The following TMEM61 variants were observed in gnomAD, a reference collection of about 807,000 sequenced individuals.
The protein encoded by TMEM61 is transmembrane protein 61.
TMEM61 carries 13 observed loss-of-function variants against 12.0 expected under a neutral mutation model. That is an observed-to-expected ratio of 1.08 (90% CI 0.70 to 1.72). TMEM61 has a LOEUF of 1.72. Ranked by LOEUF, TMEM61 falls within the 40% of genes most tolerant of loss-of-function variation. The pLI is 0.00. For synonymous variants in TMEM61, 109 were observed against 121.4 expected, an observed-to-expected ratio of 0.90 and a Z score of 0.67; for missense variants, 249 against 276.9, an observed-to-expected ratio of 0.90 and a Z score of 0.71.
intron 2 of TMEM61, among the ~76,000 whole-genome samples, chr1:54,987,656 C>T (rs1242972070): frequency 1.3e-5 from 2 of 152,168 alleles, no homozygotes; most frequent in Non-Finnish European, 2.9e-5. Context: ...GTGTACATCA[C>T]CTCCTGTCTT....
chr1:54,992,071 G>A lies in TMEM61; in HGVS notation c.601G>A (p.Gly201Ser). The part of the protein sequence containing the change: ...TTPSATRSCS[G>S]LVQTARGGS The stretch of plus-strand genomic sequence containing the variant: ...ACCGAGTGCCACACGCTCCTGCTCA[G>A]GCCTGGTTCAGACTGCACGGGGAGG... The change falls in exon 3 of 3, where the codon GGC (glycine) becomes AGC (serine). Residue 201 changes from glycine (G) to serine (S), a missense_variant. Coordinates refer to ENST00000371268, the MANE Select transcript of TMEM61 (RefSeq NM_182532.3). 6.2e-7 allele frequency: 1 copy of A among 1,613,264 alleles called. No individual in the cohort carries two copies. Among genetic ancestry groups the A allele is most frequent in the Non-Finnish European group, 8.5e-7 (1 of 1,180,026 alleles).
intron 2 of TMEM61, among the ~76,000 whole-genome samples, chr1:54,987,571 G>A (rs749309157): frequency 1.3e-5 from 2 of 152,182 alleles, no homozygotes; most frequent in Non-Finnish European, 2.9e-5. Flanking sequence ...TGTTGAGAAT[G>A]CATGTATTAT....
chr1:54,984,404 G>T (rs1644244875), intron 1 of TMEM61, among the ~76,000 whole-genome samples: 1 of 152,172 alleles, frequency 6.6e-6, no homozygotes, highest in African/African-American at 2.4e-5. Context: ...GCCCGGGGCA[G>T]GTGAGAGGCT....
rs774441042 is a variant in TMEM61 at position 54,992,042 on chromosome 1, C to T, written c.572C>T (p.Thr191Met). The T allele has an allele frequency of 1.4e-5, 22 of 1,613,290 alleles. No homozygotes were observed. The highest frequency in any genetic ancestry group is 6.7e-5 in the African/African-American group (5 of 74,802). ...SLALDAVSAE[T>M]TPSATRSCSG... is the part of the protein sequence containing the mutation. ...GCTCTTGATGCCGTTTCTGCGGAGA[C>T]GACACCGAGTGCCACACGCTCCTGC... Residue 191 changes from threonine (T) to methionine (M), a missense_variant, in exon 3 of 3, where the codon ACG becomes ATG. By Grantham distance (81) the Thr-to-Met change is moderately conservative. Transcript: ENST00000371268.
intron 2 of TMEM61, among the ~76,000 whole-genome samples, chr1:54,987,830 C>T (rs1349646089): frequency 3.3e-5 from 5 of 152,156 alleles, no homozygotes; most frequent in African/African-American, 1.2e-4. Flanking sequence ...GCCAGACTGC[C>T]GTGAGCTGCT....
intron 2 of TMEM61, among the ~76,000 whole-genome samples, chr1:54,987,242 G>A (rs74072392): frequency 0.044 from 6,651 of 152,244 alleles, 460 homozygotes; most frequent in African/African-American, 0.15. Flanking sequence ...GGTACACAGT[G>A]GGTGCACAGC....
Position 54,981,330 on chromosome 1 carries a change from T to C in TMEM61, c.15+250T>C, listed in dbSNP as rs1198084962. On this transcript the variant is annotated intron_variant, in intron 1 of 2. Coordinates refer to ENST00000371268, the MANE Select transcript of TMEM61 (RefSeq NM_182532.3). ...CAGAAAGCGGCATCTAAAGTGCCCT[T>C]ATTGGGGCCTGGTGCGGTGGCTCAC... Among the ~76,000 whole-genome samples the C allele has an allele frequency of 8.5e-5, 13 of 152,112 alleles. No individual in the cohort carries two copies. In the South Asian group the frequency reaches 2.5e-3, roughly 29 times the overall value.
Position 54,991,968 on chromosome 1 carries a change from C to T in TMEM61, c.498C>T (p.Leu166=), listed in dbSNP as rs1356736231. 5 of 1,614,218 alleles carry T rather than the reference C, an allele frequency of 3.1e-6. No homozygotes were observed. Among genetic ancestry groups the T allele is most frequent in the South Asian group, 1.1e-5 (1 of 91,090 alleles). ...CAAGTGGATCGAGGGATGCCCTGCT[C>T]AGCACCCAGCCCGCCTGGCCTCCAC... is the stretch of plus-strand genomic sequence containing the variant. ...LEPSGSRDAL[L]STQPAWPPPS... is the part of the protein sequence containing the mutation. Residue 166 remains leucine (L), a synonymous_variant, in exon 3 of 3, where the codon CTC becomes CTT. Transcript: ENST00000371268.
chr1:54,981,014 A>G lies in TMEM61; in HGVS notation c.-52A>G. 1 of 1,530,798 alleles carries G rather than the reference A, an allele frequency of 6.5e-7. No individual in the cohort carries two copies. The highest frequency in any genetic ancestry group is 8.8e-7 in the Non-Finnish European group (1 of 1,135,812). 94.8% of individuals were successfully genotyped at this position (1,530,798 alleles called of 1,614,324 possible). On this transcript the variant is annotated 5_prime_UTR_variant, in exon 1 of 3. Transcript: ENST00000371268. Reference sequence around the variant, plus strand: ...TGGCGTCCTCCACCACCACACCTTCACCTGCGCCCGGCTCCCTGCGCGCCT... The same window carrying G: ...TGGCGTCCTCCACCACCACACCTTCGCCTGCGCCCGGCTCCCTGCGCGCCT...
chr1:54,984,259 C>T (rs1644243760), intron 1 of TMEM61, among the ~76,000 whole-genome samples: 1 of 152,224 alleles, frequency 6.6e-6, no homozygotes, highest in South Asian at 2.1e-4. Flanking sequence ...TTTGTGATCA[C>T]TGAAGCCTCT....
At chr1:54,986,524 G>C in intron 2 of TMEM61, 78 bp downstream of exon 2, 2 of 1,284,228 alleles carry the variant, frequency 1.6e-6, no homozygotes, top group Non-Finnish European at 2.2e-6. Flanking sequence ...GCCAGCATTT[G>C]TAATTCCAGC....
At position 54,986,329 on chromosome 1, in the gene TMEM61, T is replaced by C. The variant is rs1181043384; in HGVS notation, c.248T>C (p.Ile83Thr). 15 of 1,613,926 alleles carry C rather than the reference T, an allele frequency of 9.3e-6. No homozygotes were observed. Among genetic ancestry groups the C allele is most frequent in the African/African-American group, 1.3e-5 (1 of 74,940 alleles). ...GGTGCAGGTGGCCTGCTGCTGCTCA[T>C]TGGCCTGCTGTGGTCCGTCAAGGCC... The part of the protein sequence containing the change: ...CCGAGGLLLL[I>T]GLLWSVKASI... The change falls in exon 2 of 3, where the codon ATT becomes ACT. Residue 83 changes from isoleucine to threonine, a missense_variant. Physicochemically the swap from Ile to Thr is moderately conservative, Grantham distance 89 (BLOSUM62 -1). Coordinates refer to ENST00000371268, the MANE Select transcript of TMEM61 (RefSeq NM_182532.3).
Position 54,981,005 on chromosome 1 carries a change from C to G in TMEM61, c.-61C>G. Reference sequence around the variant, plus strand: ...GCTCAGCCCTGGCGTCCTCCACCACCACACCTTCACCTGCGCCCGGCTCCC... The same window carrying G: ...GCTCAGCCCTGGCGTCCTCCACCACGACACCTTCACCTGCGCCCGGCTCCC... On this transcript the variant is annotated 5_prime_UTR_variant, in exon 1 of 3. Transcript: ENST00000371268. 6.6e-7 allele frequency: 1 copy of G among 1,519,538 alleles called. No individual in the cohort carries two copies. The highest frequency in any genetic ancestry group is 8.9e-7 in the Non-Finnish European group (1 of 1,129,178). The allele number at this position is 1,519,538 out of a possible 1,614,324, so 94.1% of individuals were successfully genotyped here.
At chr1:54,985,855 G>A (rs1277733826) in intron 1 of TMEM61, among the ~76,000 whole-genome samples, 2 of 152,158 alleles carry the variant, frequency 1.3e-5, no homozygotes, top group Non-Finnish European at 2.9e-5. Flanking sequence ...AGTGAAAGTG[G>A]TCATACTTAG....
Position 54,992,234 on chromosome 1 carries a change from G to T in TMEM61, c.*131G>T, listed in dbSNP as rs72677361. The T allele has an allele frequency of 1.9e-3, 2,141 of 1,146,152 alleles. 18 individuals are homozygous for T. Among genetic ancestry groups the T allele is most frequent in the East Asian group, 0.012 (511 of 41,610 alleles). The allele number at this position is 1,146,152 out of a possible 1,614,324, so 71.0% of individuals were successfully genotyped here. On this transcript the variant is annotated 3_prime_UTR_variant, in exon 3 of 3. Coordinates refer to ENST00000371268, the MANE Select transcript of TMEM61 (RefSeq NM_182532.3). ...AAGGCTGTTCTATTTATCTATTGCT[G>T]TATAACAAACCACCCCAGAATTTAG...
In TMEM61 at chr1:54,986,375, A is replaced by C. The variant is rs1644260200; in HGVS notation, c.294A>C (p.Arg98=). The change falls in exon 2 of 3, where the codon CGA becomes CGC. Residue 98 remains arginine, a synonymous_variant. Coordinates refer to ENST00000371268, the MANE Select transcript of TMEM61 (RefSeq NM_182532.3). ...SVKASIPGPP[R]WDPYHLSRDL... ...AGGCCAGCATCCCAGGGCCACCTCG[A>C]TGGGACCCCTATCACCTCTCCAGAG... The C allele has an allele frequency of 6.2e-7, 1 of 1,612,850 alleles. No individual in the cohort carries two copies. Among genetic ancestry groups the C allele is most frequent in the Non-Finnish European group, 8.5e-7 (1 of 1,179,186 alleles).
Position 54,986,451 on chromosome 1 carries a change from G to A in TMEM61, c.365+5G>A. On this transcript the variant is annotated splice_donor_5th_base_variant and intron_variant, in intron 2 of 2. Coordinates refer to ENST00000371268, the MANE Select transcript of TMEM61 (RefSeq NM_182532.3). ...CTCAGAGAAGGAGAGCTGCAGGTCA[G>A]CAGGGCGGGGTGTGGCAGCGGGTGG... 6.5e-7 allele frequency: 1 copy of A among 1,545,458 alleles called. No individual in the cohort carries two copies. Among genetic ancestry groups the A allele is most frequent in the Non-Finnish European group, 8.8e-7 (1 of 1,139,626 alleles).
rs1023015580 is a variant in TMEM61, at chr1:54,982,681, C to T, written c.15+1601C>T. ...TGCATTCTAAAGAGTGAGAGCTGCCCGTGCCAAAGACAAGTACATCTATTT... is the reference window on the plus strand; with the variant it reads ...TGCATTCTAAAGAGTGAGAGCTGCCTGTGCCAAAGACAAGTACATCTATTT... On this transcript the variant is annotated intron_variant, in intron 1 of 2. Coordinates refer to ENST00000371268, the MANE Select transcript of TMEM61 (RefSeq NM_182532.3). Among the ~76,000 whole-genome samples, 3 of 152,134 alleles carry T rather than the reference C, an allele frequency of 2.0e-5. No individual in the cohort carries two copies. In the East Asian group the frequency reaches 5.8e-4, roughly 29 times the overall value.
rs1264421898 is a variant in TMEM61, at chr1:54,986,164, T to C, written c.83T>C (p.Leu28Pro). Reference sequence around the variant, plus strand: ...ATGACAGTCAGCGGCACAGTGGTTCTGGTGGCCGGGACGCTCTGCTTCGCT... The same window carrying C: ...ATGACAGTCAGCGGCACAGTGGTTCCGGTGGCCGGGACGCTCTGCTTCGCT... ...YCMTVSGTVV[L>P]VAGTLCFAWW... The change falls in exon 2 of 3, where the codon CTG becomes CCG. Residue 28 changes from leucine (L) to proline (P), a missense_variant. Leu to Pro is a moderately conservative substitution (Grantham distance 98). Transcript: ENST00000371268. 1 of 1,613,036 alleles carries C rather than the reference T, an allele frequency of 6.2e-7. No individual in the cohort carries two copies. Among genetic ancestry groups the C allele is most frequent in the Middle Eastern group, 1.7e-4 (1 of 6,060 alleles).
Sources: gnomAD v4.1 joint callset for allele counts (sites outside exome capture counted in the v4.1 genomes callset) on GRCh38, gnomAD v4.1.1 for gene constraint, MANE v1.5 for transcripts, NCBI Gene and HGNC (gene_info 2026-07-23, HGNC 2026-07-21) for gene names.